Variants in EXOSC4 observed in about 807,000 individuals in gnomAD.
EXOSC4 encodes exosome complex component RRP41.
In EXOSC4, 14 loss-of-function variants were observed where a neutral mutation model predicts 20.0. The observed-to-expected ratio is 0.70, with a 90% CI of 0.46 to 1.09. The LOEUF (loss-of-function observed/expected upper bound fraction) is 1.09. Among genes scored for constraint, EXOSC4 ranks in the 50% least tolerant of loss-of-function variants. The pLI is 0.00. For missense variants in EXOSC4, 337 were observed against 334.0 expected (o/e 1.01, Z -0.07); for synonymous variants, 148 against 146.4 (o/e 1.01, Z -0.08).
the EXOSC4 span, among the ~76,000 whole-genome samples, chr8:144,071,952 C>T: frequency 6.6e-6 from 1 of 152,070 alleles, no homozygotes; most frequent in Non-Finnish European, 1.5e-5. Context: ...TGCACTGCAG[C>T]CTGGGTGACA....
chr8:144,078,737 G>A lies in EXOSC4; in HGVS notation c.9G>A (p.Gly3=). ...CCTGGCGGCCGGGCAGCATGGCGGG[G>A]CTGGAGCTCTTGTCGGACCAGGGCT... MA[G]LELLSDQGYR... The change falls in exon 1 of 3, where the codon GGG becomes GGA. Residue 3 remains glycine (G), a synonymous_variant. Coordinates refer to ENST00000316052, the MANE Select transcript of EXOSC4 (RefSeq NM_019037.3). This position sits in a 1 kb window ranked among gnomAD's most constrained non-coding sequence, Gnocchi z 4.7. 6.8e-7 allele frequency: 1 copy of A among 1,467,552 alleles called. No individual in the cohort carries two copies. Among genetic ancestry groups the A allele is most frequent in the Non-Finnish European group, 9.0e-7 (1 of 1,107,020 alleles). The allele number at this position is 1,467,552 out of a possible 1,614,324, so 90.9% of individuals were successfully genotyped here.
intron 1 of EXOSC4, 22 bp from the exon 2 acceptor site, chr8:144,079,921 T>C: frequency 6.2e-7 from 1 of 1,611,942 alleles, no homozygotes; most frequent in Non-Finnish European, 8.5e-7. Flanking sequence ...TGGGCCTGGC[T>C]CATGTGTCTG....
At chr8:144,064,212 T>C in the EXOSC4 span, among the ~76,000 whole-genome samples, 1 of 152,322 alleles carries the variant, frequency 6.6e-6, no homozygotes, top group East Asian at 1.9e-4. Flanking sequence ...GGAAGCTTCT[T>C]TGACCCGGCC....
chr8:144,067,704 G>T, the EXOSC4 span, among the ~76,000 whole-genome samples: 24 of 152,178 alleles, frequency 1.6e-4, no homozygotes, highest in Non-Finnish European at 2.4e-4. Flanking sequence ...AGTTCAAGAT[G>T]AACAAAGATA....
At chr8:144,066,986 C>T in the EXOSC4 span, among the ~76,000 whole-genome samples, 1 of 152,052 alleles carries the variant, frequency 6.6e-6, no homozygotes, top group Admixed American at 6.6e-5. Context: ...ACTCGGGAGG[C>T]TGAGGCAGAA....
At chr8:144,073,971 C>A (rs537559679), upstream of EXOSC4, among the ~76,000 whole-genome samples, 2 of 152,288 alleles carry the variant, frequency 1.3e-5, no homozygotes, top group East Asian at 3.9e-4. Flanking sequence ...GCACAGTCTG[C>A]TGAAGGCCCT....
In EXOSC4 at chr8:144,078,686, G is replaced by A. The variant is rs782596773; in HGVS notation, c.-43G>A. The A allele has an allele frequency of 1.5e-5, 20 of 1,360,178 alleles. No individual in the cohort carries two copies. The South Asian group carries it at 3.3e-4, about 23-fold the overall frequency. 84.3% of individuals were successfully genotyped at this position (1,360,178 alleles called of 1,614,324 possible). A position where few individuals can be genotyped will look rare whatever the true frequency, so the allele number is the denominator to read the frequency against. On this transcript the variant is annotated 5_prime_UTR_variant, in exon 1 of 3. Transcript: ENST00000316052. This position sits in a 1 kb window ranked among gnomAD's most constrained non-coding sequence, Gnocchi z 4.7. ...CGCCGGGAGCTGTAGTTCTCCCGCGGCTCAGAGAAGTAGGCAGAGAGCGGA... is the reference window on the plus strand; with the variant it reads ...CGCCGGGAGCTGTAGTTCTCCCGCGACTCAGAGAAGTAGGCAGAGAGCGGA...
chr8:144,074,161 C>T (rs1258176164), upstream of EXOSC4, among the ~76,000 whole-genome samples: 1 of 152,220 alleles, frequency 6.6e-6, no homozygotes, highest in African/African-American at 2.4e-5. Context: ...AAAGTATTTA[C>T]AGAGTCATAT....
rs781849408 is a variant in EXOSC4 at position 144,078,678 on chromosome 8, C to A, written c.-51C>A. ...GTCGGAGCCGCCGGGAGCTGTAGTT[C>A]TCCCGCGGCTCAGAGAAGTAGGCAG... On this transcript the variant is annotated 5_prime_UTR_variant, in exon 1 of 3. Transcript: ENST00000316052. This position sits in a 1 kb window ranked among gnomAD's most constrained non-coding sequence, Gnocchi z 4.7. 1 of 1,349,130 alleles carries A rather than the reference C, an allele frequency of 7.4e-7. No individual in the cohort carries two copies. The highest frequency in any genetic ancestry group is 4.0e-5 in the Admixed American group (1 of 25,118). 83.6% of individuals were successfully genotyped at this position (1,349,130 alleles called of 1,614,324 possible). A position where few individuals can be genotyped will look rare whatever the true frequency, so the allele number is the denominator to read the frequency against.
rs782095288 is a variant in EXOSC4, at chr8:144,079,975, C to T, written c.204C>T (p.Asp68=). The T allele has an allele frequency of 3.9e-5, 63 of 1,612,914 alleles. No homozygotes were observed. Among genetic ancestry groups the T allele is most frequent in the Non-Finnish European group, 5.3e-5 (63 of 1,179,080 alleles). ...IRGSRARALP[D]RALVNCQYSS... Reference sequence around the variant, plus strand: ...GCTCCCGGGCTCGAGCCCTGCCGGACAGGGCCCTAGTGAACTGTCAATATA... The same window carrying T: ...GCTCCCGGGCTCGAGCCCTGCCGGATAGGGCCCTAGTGAACTGTCAATATA... Residue 68 remains aspartate, a synonymous_variant, in exon 2 of 3, where the codon GAC becomes GAT. Coordinates refer to ENST00000316052, the MANE Select transcript of EXOSC4 (RefSeq NM_019037.3).
chr8:144,078,591 G>A, upstream of EXOSC4: 1 of 962,248 alleles, frequency 1.0e-6, no homozygotes, highest in African/African-American at 1.7e-5. The surrounding 1 kb of genome is among the most constrained non-coding windows in gnomAD (Gnocchi z 4.7). Flanking sequence ...GGGCCGCGGA[G>A]AGCTGTAGTT....
chr8:144,079,412 G>A (rs543282586), intron 1 of EXOSC4: 199 of 259,666 alleles, frequency 7.7e-4, no homozygotes, highest in Middle Eastern at 1.5e-3. Context: ...CGAAGGTATT[G>A]AAAGAGTGTT....
chr8:144,065,129 G>C, the EXOSC4 span, among the ~76,000 whole-genome samples: 1 of 152,176 alleles, frequency 6.6e-6, no homozygotes, highest in African/African-American at 2.4e-5. Context: ...ACAGGCGTGA[G>C]CCACCGCGCC....
upstream of EXOSC4, among the ~76,000 whole-genome samples, chr8:144,074,982 A>G (rs1835823670): frequency 6.6e-6 from 1 of 152,256 alleles, no homozygotes; most frequent in African/African-American, 2.4e-5. Context: ...CTTTTACCTG[A>G]AAGCAACTTA....
the EXOSC4 span, among the ~76,000 whole-genome samples, chr8:144,068,194 A>T: frequency 6.6e-6 from 1 of 151,218 alleles, no homozygotes; most frequent in Non-Finnish European, 1.5e-5. Context: ...AATATTCATG[A>T]CTCCTCTTAT....
chr8:144,079,994 C>A lies in EXOSC4; in HGVS notation c.223C>A (p.Gln75Lys). 1 of 1,614,058 alleles carries A rather than the reference C, an allele frequency of 6.2e-7. No individual in the cohort carries two copies. Among genetic ancestry groups the A allele is most frequent in the South Asian group, 1.1e-5 (1 of 91,082 alleles). Residue 75 changes from glutamine to lysine, a missense_variant, in exon 2 of 3, where the codon CAA (glutamine) becomes AAA (lysine). Coordinates refer to ENST00000316052, the MANE Select transcript of EXOSC4 (RefSeq NM_019037.3). Reference protein sequence around the residue: ...ALPDRALVNCQYSSATFSTGE... With the variant: ...ALPDRALVNCKYSSATFSTGE... ...GCCGGACAGGGCCCTAGTGAACTGT[C>A]AATATAGTTCAGCGACCTTCAGCAC...
chr8:144,069,089 G>A, the EXOSC4 span, among the ~76,000 whole-genome samples: 1 of 152,246 alleles, frequency 6.6e-6, no homozygotes, highest in African/African-American at 2.4e-5. Context: ...GAAACTGATA[G>A]CAGCAAATGA....
chr8:144,076,505 G>A (rs782499708), upstream of EXOSC4, among the ~76,000 whole-genome samples: 4 of 152,174 alleles, frequency 2.6e-5, no homozygotes, highest in Non-Finnish European at 2.9e-5. Context: ...ACGAGGGTCA[G>A]AGAACCAAAG....
At chr8:144,073,207 C>T in the EXOSC4 span, among the ~76,000 whole-genome samples, 1 of 152,046 alleles carries the variant, frequency 6.6e-6, no homozygotes, top group Non-Finnish European at 1.5e-5. Flanking sequence ...TGGTGAAACC[C>T]CATCTCTACT....
Sources: gnomAD v4.1 joint callset for allele counts (sites outside exome capture counted in the v4.1 genomes callset) on GRCh38, gnomAD v4.1.1 for gene constraint, Gnocchi (gnomAD v3.1) non-coding constraint, MANE v1.5 for transcripts, NCBI Gene and HGNC (gene_info 2026-07-23, HGNC 2026-07-21) for gene names.